Variants in ASXL1 observed in about 807,000 individuals in gnomAD.
ASXL1 encodes polycomb group protein ASXL1.
Under a neutral mutation model 89.1 loss-of-function variants are expected in ASXL1, and 65 were observed. That is an observed-to-expected ratio of 0.73 (90% CI 0.60 to 0.90). ASXL1 has a LOEUF of 0.90. ASXL1 is among the 40% of genes least tolerant of loss of function. The pLI, the probability that ASXL1 is intolerant of heterozygous loss-of-function variation, is 0.00. For synonymous variants in ASXL1, 739 were observed against 746.9 expected (o/e 0.99, Z 0.17); for missense variants, 1,786 against 1,942.9 (o/e 0.92, Z 1.52).
intron 4 of ASXL1, among the ~76,000 whole-genome samples, chr20:32,382,503 C>A (rs995273177): frequency 6.6e-6 from 1 of 151,642 alleles, no homozygotes. Context: ...AGGCACTGTG[C>A]CTCATACCTG....
chr20:32,409,270 G>A lies in ASXL1; in HGVS notation c.253-18858G>A, dbSNP rs916918713. ...TTATAGGCGTGAGCCACCATGCCCAGCCTCAGCTATTTTTATTTTCGATGC... is the reference window on the plus strand; with the variant it reads ...TTATAGGCGTGAGCCACCATGCCCAACCTCAGCTATTTTTATTTTCGATGC... On this transcript the variant is annotated intron_variant, in intron 4 of 12. Transcript: ENST00000375687. 3.9e-5 allele frequency among the ~76,000 whole-genome samples: 6 copies of A among 152,298 alleles called. No individual in the cohort carries two copies. In the South Asian group the frequency reaches 6.2e-4, roughly 16 times the overall value.
Position 32,358,725 on chromosome 20 carries a change from CG to C in ASXL1, c.-50del. On this transcript the variant is annotated 5_prime_UTR_variant, in exon 1 of 13. Transcript: ENST00000375687. Reference sequence around the variant, plus strand: ...CCAGCCCCGCGCCACCGCCCCAGCCCGCCCAGCCCGGAGGTCCCGCGTGGAG... The same window carrying C: ...CCAGCCCCGCGCCACCGCCCCAGCCCCCCAGCCCGGAGGTCCCGCGTGGAG... 1 of 1,179,306 alleles carries C rather than the reference CG, an allele frequency of 8.5e-7. No individual in the cohort carries two copies. 73.1% of individuals were successfully genotyped at this position (1,179,306 alleles called of 1,614,324 possible). A position where few individuals can be genotyped will look rare whatever the true frequency, so the allele number is the denominator to read the frequency against.
rs1473650719 is a variant in ASXL1, at chr20:32,437,691, G to T, written c.*353G>T. On this transcript the variant is annotated 3_prime_UTR_variant, in exon 13 of 13. Coordinates refer to ENST00000375687, the MANE Select transcript of ASXL1 (RefSeq NM_015338.6). ...GAAGGTTGCATTCTCCACCAAGGGA[G>T]TTAACCTACCTGAACTAAGTAGAAA... 2 of 389,370 alleles carry T rather than the reference G, an allele frequency of 5.1e-6. No homozygotes were observed. The highest frequency in any genetic ancestry group is 8.2e-5 in the Admixed American group (2 of 24,332). The allele number at this position is 389,370 out of a possible 1,614,324, so 24.1% of individuals were successfully genotyped here.
chr20:32,376,169 C>G (rs992975538), intron 4 of ASXL1, among the ~76,000 whole-genome samples: 1 of 152,042 alleles, frequency 6.6e-6, no homozygotes, highest in African/African-American at 2.4e-5. Context: ...AGTGGTCGAC[C>G]AAGGGCTAGT....
intron 4 of ASXL1, among the ~76,000 whole-genome samples, chr20:32,413,956 G>C (rs1569299123): frequency 6.6e-6 from 1 of 152,168 alleles, no homozygotes; most frequent in Admixed American, 6.5e-5. Context: ...TCTTTATTCT[G>C]TGTTCCACAC....
chr20:32,425,419 A>G (rs2011247120), intron 4 of ASXL1, among the ~76,000 whole-genome samples: 1 of 152,224 alleles, frequency 6.6e-6, no homozygotes, highest in South Asian at 2.1e-4. Flanking sequence ...TGTACCAGAT[A>G]AGGCCAAATT....
rs2011683620 is a variant in ASXL1 at position 32,434,688 on chromosome 20, G to A, written c.1976G>A (p.Gly659Asp). ...GGCGGCGGGGCCACCGATGAGGGAGGTGGCAGAGGCAGCAGCAGTGGTGAT... is the reference window on the plus strand; with the variant it reads ...GGCGGCGGGGCCACCGATGAGGGAGATGGCAGAGGCAGCAGCAGTGGTGAT... ...GGGGGATDEGGGRGSSSGDGG... is the reference protein window; with the variant it reads ...GGGGGATDEGDGRGSSSGDGG... The change falls in exon 13 of 13, where the codon GGT (glycine) becomes GAT (aspartate). Residue 659 changes from glycine (G) to aspartate (D), a missense_variant. This residue lies in a region of ASXL1 where 1,418 missense variants were observed against 1,427.8 expected (regional missense o/e 0.99). Coordinates refer to ENST00000375687, the MANE Select transcript of ASXL1 (RefSeq NM_015338.6). 1 of 1,605,274 alleles carries A rather than the reference G, an allele frequency of 6.2e-7. No homozygotes were observed. Among genetic ancestry groups the A allele is most frequent in the Non-Finnish European group, 8.5e-7 (1 of 1,176,096 alleles).
In ASXL1 at chr20:32,435,280, C is replaced by A. The variant is rs140851370; in HGVS notation, c.2568C>A (p.Cys856Ter). Residue 856 changes from cysteine (C) to a stop codon, truncating the protein, a stop_gained, in exon 13 of 13, where the codon TGC becomes TGA. Coordinates refer to ENST00000375687, the MANE Select transcript of ASXL1 (RefSeq NM_015338.6). LOFTEE classifies it low-confidence loss of function (END_TRUNC). Reference protein sequence around the residue: ...SSTPESSPTDCLQNRAFDDEL... With the variant: ...SSTPESSPTD ...CACCTGAATCCTCACCGACTGATTGCCTGCAGAACAGAGCATTTGATGACG... is the reference window on the plus strand; with the variant it reads ...CACCTGAATCCTCACCGACTGATTGACTGCAGAACAGAGCATTTGATGACG... The A allele has an allele frequency of 1.9e-6, 3 of 1,614,170 alleles. No homozygotes were observed. The highest frequency in any genetic ancestry group is 1.7e-5 in the Admixed American group (1 of 60,024).
rs2011761600 is a variant in ASXL1, at chr20:32,435,314, CT to C, written c.2604del (p.Gly869ValfsTer7). ...CAGAGCATTTGATGACGAATTAGGG[CT>C]TGGTGGCTCATGCCCTCCTATGAGG... ...QNRAFDDELG[L>X]GGSCPPMRES... On this transcript the variant is annotated frameshift_variant, in exon 13 of 13. Coordinates refer to ENST00000375687, the MANE Select transcript of ASXL1 (RefSeq NM_015338.6). LOFTEE classifies it low-confidence loss of function (END_TRUNC). 6.2e-7 allele frequency: 1 copy of C among 1,614,198 alleles called. No individual in the cohort carries two copies. Among genetic ancestry groups the C allele is most frequent in the Non-Finnish European group, 8.5e-7 (1 of 1,180,024 alleles).
chr20:32,416,239 A>G (rs946698432), intron 4 of ASXL1, among the ~76,000 whole-genome samples: 2 of 152,188 alleles, frequency 1.3e-5, no homozygotes, highest in Non-Finnish European at 2.9e-5. Flanking sequence ...TAATTTTCCT[A>G]TTCTACTATT....
chr20:32,375,915 C>T (rs893408759), intron 4 of ASXL1, among the ~76,000 whole-genome samples: 4 of 152,166 alleles, frequency 2.6e-5, no homozygotes, highest in South Asian at 2.1e-4. Context: ...CTCCTGGACT[C>T]GAAGCAATCC....
At chr20:32,395,856 T>C (rs1278944973) in intron 4 of ASXL1, among the ~76,000 whole-genome samples, 1 of 152,204 alleles carries the variant, frequency 6.6e-6, no homozygotes, top group Non-Finnish European at 1.5e-5. Context: ...TGAAGTGCAG[T>C]GGCATGATCT....
intron 10 of ASXL1, 22 bp downstream of exon 10, chr20:32,431,701 G>C (rs774309387): frequency 1.2e-6 from 2 of 1,610,012 alleles, no homozygotes; most frequent in African/African-American, 2.7e-5. Flanking sequence ...TGGTCATCTC[G>C]GACGGCTTGC....
intron 4 of ASXL1, among the ~76,000 whole-genome samples, chr20:32,425,410 G>A (rs1370374248): frequency 3.3e-5 from 5 of 152,196 alleles, no homozygotes; most frequent in African/African-American, 7.2e-5. Flanking sequence ...ATCTTCAACT[G>A]TACCAGATAA....
At chr20:32,390,809 A>G (rs2048657579) in intron 4 of ASXL1, among the ~76,000 whole-genome samples, 1 of 152,224 alleles carries the variant, frequency 6.6e-6, no homozygotes. Context: ...TACATTATAT[A>G]ACACTTTGAG....
At chr20:32,375,590 C>A (rs752219252) in intron 4 of ASXL1, among the ~76,000 whole-genome samples, 1 of 152,042 alleles carries the variant, frequency 6.6e-6, no homozygotes, top group Non-Finnish European at 1.5e-5. Context: ...CAAAATTATT[C>A]TTTGTGGCCT....
At chr20:32,377,970 C>G (rs1569254809) in intron 4 of ASXL1, among the ~76,000 whole-genome samples, 1 of 59,714 alleles carries the variant, frequency 1.7e-5, no homozygotes, top group African/African-American at 6.3e-5. Context: ...AAAGTTTTGA[C>G]TCTGTGTGTG....
In ASXL1 at chr20:32,379,161, C is replaced by CTTTT. The variant is rs71187113; in HGVS notation, c.252+10076_252+10079dup. Among the ~76,000 whole-genome samples, 106 of 61,792 alleles carry CTTTT rather than the reference C, an allele frequency of 1.7e-3. 2 individuals are homozygous for CTTTT. Among genetic ancestry groups the CTTTT allele is most frequent in the African/African-American group, 2.7e-3 (39 of 14,476 alleles). The allele number at this position is 61,792 out of a possible 152,430, so 40.5% of individuals were successfully genotyped here. Reference sequence around the variant, plus strand: ...ACTCACTGTCAGGTATAACTTCAGTCTTTTTTTTTTTTTTTTTTTTTTTTT... The same window carrying CTTTT: ...ACTCACTGTCAGGTATAACTTCAGTCTTTTTTTTTTTTTTTTTTTTTTTTTTTTT... On this transcript the variant is annotated intron_variant, in intron 4 of 12. Transcript: ENST00000375687.
At chr20:32,413,094 A>T (rs1053186182) in intron 4 of ASXL1, among the ~76,000 whole-genome samples, 1 of 152,216 alleles carries the variant, frequency 6.6e-6, no homozygotes, top group South Asian at 2.1e-4. Flanking sequence ...GGAAGTTTTC[A>T]TGAAACGATA....
Sources: gnomAD v4.1 joint callset for allele counts (sites outside exome capture counted in the v4.1 genomes callset) on GRCh38, gnomAD v4.1.1 for gene constraint, gnomAD v4.1.1 regional missense constraint, MANE v1.5 for transcripts, NCBI Gene and HGNC (gene_info 2026-07-23, HGNC 2026-07-21) for gene names.